CNTNAP2: variants seen among roughly 807,000 people sequenced by gnomAD.
CNTNAP2 encodes contactin-associated protein-like 2.
A neutral mutation model predicts 155.2 loss-of-function variants in CNTNAP2; 98 were observed. The observed-to-expected ratio is 0.63, with a 90% CI of 0.54 to 0.75. The LOEUF is 0.75. Among genes scored for constraint, CNTNAP2 ranks in the 30% least tolerant of loss-of-function variants. The pLI, the probability that CNTNAP2 is intolerant of heterozygous loss-of-function variation, is 0.00. For synonymous variants in CNTNAP2, 651 were observed against 631.2 expected (o/e 1.03, Z -0.47); for missense variants, 1,727 against 1,688.1 (o/e 1.02, Z -0.40).
intron 13 of CNTNAP2, among the ~76,000 whole-genome samples, chr7:147,894,400 C>T (rs1396977200): frequency 6.6e-6 from 1 of 152,062 alleles, no homozygotes; most frequent in East Asian, 1.9e-4. Context: ...CTGCAAGGGC[C>T]TTCAAATAAC....
intron 21 of CNTNAP2, among the ~76,000 whole-genome samples, chr7:148,312,407 T>A (rs1797611161): frequency 1.3e-5 from 2 of 152,180 alleles, no homozygotes; most frequent in African/African-American, 2.4e-5. Flanking sequence ...ATGGGAGCTG[T>A]CTGTGAAGCC....
intron 1 of CNTNAP2, among the ~76,000 whole-genome samples, chr7:146,299,939 C>T (rs1465527296): frequency 6.6e-6 from 1 of 152,006 alleles, no homozygotes; most frequent in Admixed American, 6.6e-5. Context: ...GAAATTTTAG[C>T]TAAATATGAA....
At chr7:148,228,714 G>T (rs2116777086) in intron 19 of CNTNAP2, among the ~76,000 whole-genome samples, 1 of 120,494 alleles carries the variant, frequency 8.3e-6, no homozygotes, top group East Asian at 2.1e-4. Context: ...TGTAGTCCCA[G>T]CTACTGGGGA....
chr7:148,304,099 T>C (rs966221001), intron 21 of CNTNAP2, among the ~76,000 whole-genome samples: 1 of 152,212 alleles, frequency 6.6e-6, no homozygotes, highest in East Asian at 1.9e-4. Context: ...ATGCTTGACT[T>C]CTTGCTTCCT....
At chr7:146,732,603 A>G (rs1801545210) in intron 1 of CNTNAP2, among the ~76,000 whole-genome samples, 1 of 152,156 alleles carries the variant, frequency 6.6e-6, no homozygotes, top group African/African-American at 2.4e-5. Context: ...TCCAGATGAT[A>G]GATTTTGAAC....
intron 21 of CNTNAP2, among the ~76,000 whole-genome samples, chr7:148,330,197 G>A (rs1037313557): frequency 1.4e-5 from 2 of 146,614 alleles, no homozygotes; most frequent in African/African-American, 5.1e-5. Context: ...TGGAATGGGT[G>A]GATGGAGTGG....
chr7:146,675,567 G>A (rs1800384492), intron 1 of CNTNAP2, among the ~76,000 whole-genome samples: 3 of 152,118 alleles, frequency 2.0e-5, no homozygotes, highest in Admixed American at 1.3e-4. Flanking sequence ...TAAGTATTCA[G>A]TATGTTTGGT....
chr7:146,183,637 AAT>A lies in CNTNAP2; in HGVS notation c.97+66666_97+66667del, dbSNP rs1798582032. Among the ~76,000 whole-genome samples, 28 of 150,894 alleles carry A rather than the reference AAT, an allele frequency of 1.9e-4. No individual in the cohort carries two copies. In the South Asian group the frequency reaches 5.3e-3, roughly 28 times the overall value. On this transcript the variant is annotated intron_variant, in intron 1 of 23. Transcript: ENST00000361727. ...TAATAATAATAATAATAATAATAATAATAAATGTGTCACTGCAATTCCTACTA... is the reference window on the plus strand; with the variant it reads ...TAATAATAATAATAATAATAATAATAAAATGTGTCACTGCAATTCCTACTA...
chr7:147,807,876 A>G (rs2116602097), intron 13 of CNTNAP2, among the ~76,000 whole-genome samples: 1 of 152,312 alleles, frequency 6.6e-6, no homozygotes, highest in Admixed American at 6.5e-5. Flanking sequence ...TTGGGTTGCC[A>G]GATATTTATC....
chr7:146,436,190 C>A (rs1287700063), intron 1 of CNTNAP2, among the ~76,000 whole-genome samples: 1 of 152,056 alleles, frequency 6.6e-6, no homozygotes, highest in East Asian at 1.9e-4. Flanking sequence ...GGGCTAAGTC[C>A]GCATAATACT....
chr7:147,505,589 A>C (rs183402682), intron 11 of CNTNAP2, among the ~76,000 whole-genome samples: 2 of 152,366 alleles, frequency 1.3e-5, no homozygotes, highest in East Asian at 1.9e-4. Context: ...GAAACAATGC[A>C]AAAGAGCGAG....
At chr7:147,620,033 C>T (rs967594275) in intron 12 of CNTNAP2, among the ~76,000 whole-genome samples, 5 of 152,206 alleles carry the variant, frequency 3.3e-5, no homozygotes, top group South Asian at 2.1e-4. Flanking sequence ...CAAGAGTTTT[C>T]GTCCAGTAAT....
chr7:146,228,694 A>C (rs149160916), intron 1 of CNTNAP2, among the ~76,000 whole-genome samples: 2 of 152,130 alleles, frequency 1.3e-5, no homozygotes, highest in African/African-American at 4.8e-5. Flanking sequence ...TCATCTCTTT[A>C]TGCAATTTCC....
chr7:148,125,673 GTGTGTGTGTGTGTGTGTA>G (rs1389314454), intron 16 of CNTNAP2, among the ~76,000 whole-genome samples: 1 of 144,762 alleles, frequency 6.9e-6, no homozygotes, highest in Non-Finnish European at 1.5e-5. Context: ...GTGTGTGTGT[GTGTGTGTGTGTGTGTGTA>G]TATATATATA....
intron 12 of CNTNAP2, among the ~76,000 whole-genome samples, chr7:147,612,225 C>T (rs1304038948): frequency 6.6e-6 from 1 of 152,056 alleles, no homozygotes; most frequent in Non-Finnish European, 1.5e-5. Flanking sequence ...GTACACATAG[C>T]TCTTATAAAA....
intron 2 of CNTNAP2, among the ~76,000 whole-genome samples, chr7:146,814,016 C>G (rs1803118281): frequency 1.3e-5 from 2 of 152,146 alleles, no homozygotes; most frequent in Non-Finnish European, 2.9e-5. Flanking sequence ...CCTGGGTCCT[C>G]TCAGCCCTGC....
At chr7:148,135,285 A>G (rs976722657) in intron 16 of CNTNAP2, among the ~76,000 whole-genome samples, 1 of 152,164 alleles carries the variant, frequency 6.6e-6, no homozygotes, top group Non-Finnish European at 1.5e-5. Flanking sequence ...TTAGATTACT[A>G]TGTCAACAAA....
At chr7:147,471,956 G>T (rs551258355) in intron 10 of CNTNAP2, among the ~76,000 whole-genome samples, 2 of 152,256 alleles carry the variant, frequency 1.3e-5, no homozygotes, top group South Asian at 4.1e-4. Flanking sequence ...AAAAAATACA[G>T]ATCTTTTTGT....
At chr7:146,619,532 C>G (rs1050980012) in intron 1 of CNTNAP2, among the ~76,000 whole-genome samples, 1 of 152,124 alleles carries the variant, frequency 6.6e-6, no homozygotes, top group Non-Finnish European at 1.5e-5. Flanking sequence ...ATGTTATAAA[C>G]TAGAGTATTT....
Sources: gnomAD v4.1 joint callset for allele counts (sites outside exome capture counted in the v4.1 genomes callset) on GRCh38, gnomAD v4.1.1 for gene constraint, MANE v1.5 for transcripts, NCBI Gene and HGNC (gene_info 2026-07-23, HGNC 2026-07-21) for gene names.